Variants in ELP1 observed in about 807,000 individuals in gnomAD.
ELP1 encodes elongator acetyltransferase complex subunit 1, also known as elongator complex protein 1.
Under a neutral mutation model 183.2 loss-of-function variants are expected in ELP1, and 131 were observed. The ratio of observed to expected loss-of-function variants is 0.72; its 90% CI spans 0.62 to 0.83. The LOEUF (loss-of-function observed/expected upper bound fraction) is 0.83, where lower values mean the gene tolerates loss of function less well. Ranked by LOEUF, ELP1 falls within the 40% of genes least tolerant of loss-of-function variation. The pLI is 0.00. For synonymous variants in ELP1, 555 were observed against 569.0 expected (o/e 0.98, Z 0.35); for missense variants, 1,550 against 1,594.9 (o/e 0.97, Z 0.48).
chr9:108,897,353 A>G, intron 22 of ELP1, 68 bp from the exon 23 acceptor site: 1 of 1,499,286 alleles, frequency 6.7e-7, no homozygotes, highest in Non-Finnish European at 9.3e-7. Flanking sequence ...TTACTAACAT[A>G]CACCTGGCAT....
chr9:108,897,033 C>A lies in ELP1; in HGVS notation c.2507G>T (p.Cys836Phe). 1.9e-6 allele frequency: 3 copies of A among 1,613,820 alleles called. No individual in the cohort carries two copies. In the South Asian group the frequency reaches 3.3e-5, roughly 18 times the overall value. The change falls in exon 24 of 37, where the codon TGC becomes TTC. Residue 836 changes from cysteine to phenylalanine, a missense_variant. Coordinates refer to ENST00000374647, the MANE Select transcript of ELP1 (RefSeq NM_003640.5). ...VMESINPHKY[C>F]LSILTSHVKK... ...TACATGAGATGTAAGTATGGATAGG[C>A]AGTATCTGAGGTAATAAGTGAAGAA... is the stretch of plus-strand genomic sequence containing the variant.
In ELP1 at chr9:108,906,153, C is replaced by T. The variant is rs1829010074; in HGVS notation, c.1643+150G>A. ...TCTGTTATTTTGACATGGCTCATAA[C>T]TAGACTTAACCTTCTTGTTAAGTGT... On this transcript the variant is annotated intron_variant, in intron 14 of 36. Coordinates refer to ENST00000374647, the MANE Select transcript of ELP1 (RefSeq NM_003640.5). 5.4e-6 allele frequency: 4 copies of T among 734,844 alleles called. No individual in the cohort carries two copies. In the East Asian group the frequency reaches 8.0e-5, roughly 15 times the overall value. The allele number at this position is 734,844 out of a possible 1,614,324, so 45.5% of individuals were successfully genotyped here.
intron 2 of ELP1, among the ~76,000 whole-genome samples, chr9:108,930,765 C>A (rs1370181349): frequency 2.0e-5 from 3 of 151,028 alleles, no homozygotes; most frequent in Non-Finnish European, 4.4e-5. Flanking sequence ...ACGGCACACA[C>A]TCAAAAAGTA....
chr9:108,909,825 A>C (rs557562867), intron 12 of ELP1, among the ~76,000 whole-genome samples: 1 of 152,244 alleles, frequency 6.6e-6, no homozygotes, highest in East Asian at 1.9e-4. Context: ...CATCACAGGG[A>C]GTTTTCTCTC....
At chr9:108,893,208 T>C in intron 26 of ELP1, 125 bp from the exon 27 acceptor site, 2 of 717,616 alleles carry the variant, frequency 2.8e-6, no homozygotes, top group South Asian at 3.0e-5. Context: ...AATCAGAGAA[T>C]CTGAAGAATG....
At chr9:108,928,801 T>C (rs1324480207) in intron 3 of ELP1, among the ~76,000 whole-genome samples, 1 of 152,116 alleles carries the variant, frequency 6.6e-6, no homozygotes, top group African/African-American at 2.4e-5. Flanking sequence ...AAAAACAAGC[T>C]GTATATGACA....
Position 108,919,237 on chromosome 9 carries a change from C to T in ELP1, c.649+16G>A. 6.4e-7 allele frequency: 1 copy of T among 1,563,968 alleles called. No individual in the cohort carries two copies. The highest frequency in any genetic ancestry group is 1.4e-5 in the African/African-American group (1 of 73,984). The stretch of plus-strand genomic sequence containing the variant: ...AAAATTTTTTATTGTTGTTTAACTG[C>T]AATATATTTCCATACCTGTTTCTGG... On this transcript the variant is annotated intron_variant, in intron 7 of 36. Transcript: ENST00000374647.
intron 3 of ELP1, among the ~76,000 whole-genome samples, chr9:108,927,804 T>C (rs771616629): frequency 5.9e-5 from 9 of 152,198 alleles, no homozygotes; most frequent in Non-Finnish European, 1.0e-4. Flanking sequence ...AAACATCACA[T>C]GTTCTCACTT....
Position 108,893,924 on chromosome 9 carries a change from T to C in ELP1, c.2860+19A>G. ...AGAAGATCTGAAGTAGAGATAAACA[T>C]ACTAATCCCCACACTTACCACATTT... On this transcript the variant is annotated intron_variant, in intron 26 of 36. Coordinates refer to ENST00000374647, the MANE Select transcript of ELP1 (RefSeq NM_003640.5). 6.2e-7 allele frequency: 1 copy of C among 1,613,392 alleles called. No homozygotes were observed. The highest frequency in any genetic ancestry group is 8.5e-7 in the Non-Finnish European group (1 of 1,179,530).
chr9:108,927,240 C>G, intron 4 of ELP1, 132 bp downstream of exon 4: 1 of 736,826 alleles, frequency 1.4e-6, no homozygotes, highest in Non-Finnish European at 2.5e-6. Flanking sequence ...TGGTATTATA[C>G]TGGTTCATAA....
intron 28 of ELP1, 33 bp from the exon 29 acceptor site, chr9:108,889,426 A>G (rs912125441): frequency 1.6e-5 from 26 of 1,587,310 alleles, no homozygotes; most frequent in Non-Finnish European, 2.2e-5. Context: ...TTGACTACAA[A>G]GTTAAACAGA....
chr9:108,882,664 A>G (rs1356654145), intron 29 of ELP1, among the ~76,000 whole-genome samples: 3 of 148,828 alleles, frequency 2.0e-5, no homozygotes, highest in Non-Finnish European at 4.4e-5. Context: ...GCATAATCAC[A>G]GCTCACGGCA....
intron 14 of ELP1, 94 bp downstream of exon 14, chr9:108,906,209 T>G (rs1829011969): frequency 8.1e-7 from 1 of 1,231,666 alleles, no homozygotes; most frequent in Non-Finnish European, 1.2e-6. Flanking sequence ...CTCCTCAACC[T>G]TGATCAATAG....
rs138840182 is a variant in ELP1, at chr9:108,872,009, G to A, written c.3932-2827C>T. Among the ~76,000 whole-genome samples the A allele has an allele frequency of 3.9e-5, 6 of 152,220 alleles. No individual in the cohort carries two copies. In the East Asian group the frequency reaches 9.7e-4, roughly 24 times the overall value. On this transcript the variant is annotated intron_variant, in intron 36 of 36. Coordinates refer to ENST00000374647, the MANE Select transcript of ELP1 (RefSeq NM_003640.5). ...CAGACCTCAATCTATAGTACATATC[G>A]AGCAAGTCAACTTTTTCTTGTAATG...
chr9:108,930,418 T>C (rs1207930649), intron 2 of ELP1, among the ~76,000 whole-genome samples: 1 of 152,184 alleles, frequency 6.6e-6, no homozygotes, highest in Non-Finnish European at 1.5e-5. Flanking sequence ...GCAACTTTCG[T>C]GTTCATTCCC....
intron 36 of ELP1, among the ~76,000 whole-genome samples, chr9:108,871,527 T>C (rs10979580): frequency 0.053 from 8,135 of 152,294 alleles, 332 homozygotes; most frequent in Admixed American, 0.12. Flanking sequence ...TGTTAATCTT[T>C]TCCCTTCCAG....
chr9:108,903,819 T>C, intron 14 of ELP1, 150 bp from the exon 15 acceptor site: 1 of 616,870 alleles, frequency 1.6e-6, no homozygotes, highest in Admixed American at 2.4e-5. Context: ...ACACACCCAA[T>C]ACTATACACA....
chr9:108,928,401 A>G (rs1344816860), intron 3 of ELP1, among the ~76,000 whole-genome samples: 2 of 152,226 alleles, frequency 1.3e-5, no homozygotes, highest in African/African-American at 4.8e-5. Context: ...ACAGGGAATG[A>G]CAAGTGGCCC....
intron 31 of ELP1, among the ~76,000 whole-genome samples, chr9:108,881,435 A>G (rs866117447): frequency 9.2e-5 from 14 of 152,222 alleles, no homozygotes; most frequent in African/African-American, 3.1e-4. Flanking sequence ...TATCTAATAT[A>G]GTTCATATTC....
Sources: allele counts gnomAD v4.1 joint callset (sites outside exome capture counted in the v4.1 genomes callset), GRCh38; gene constraint gnomAD v4.1.1; transcripts MANE v1.5; gene names NCBI Gene and HGNC (gene_info 2026-07-23, HGNC 2026-07-21).